SOX6: variants seen among roughly 807,000 people sequenced by gnomAD.
The protein encoded by SOX6 is transcription factor SOX-6.
SOX6 carries 11 observed loss-of-function variants against 97.8 expected under a neutral mutation model. The ratio of observed to expected loss-of-function variants is 0.11; its 90% CI spans 0.07 to 0.19. SOX6 has a LOEUF of 0.19. Among genes scored for constraint, SOX6 ranks in the 10% least tolerant of loss-of-function variants. SOX6 has a pLI of 1.00. For missense variants in SOX6, 810 were observed against 1,039.5 expected, an observed-to-expected ratio of 0.78 and a Z score of 3.04; for synonymous variants, 360 against 371.4, an observed-to-expected ratio of 0.97 and a Z score of 0.35.
intron 3 of SOX6, among the ~76,000 whole-genome samples, chr11:16,275,266 T>G (rs1218969133): frequency 6.9e-6 from 1 of 145,440 alleles, no homozygotes; most frequent in African/African-American, 2.5e-5. Context: ...ATGGTGAAAC[T>G]TCATCTCTAC....
rs75456410 is a variant in SOX6, at chr11:16,593,118, A to G, written n.609+18963T>C. Reference sequence around the variant, plus strand: ...TATAGATATTTCTATATCTGCCTATAAAGATTACCTCACCAATTTGAAAAA... The same window carrying G: ...TATAGATATTTCTATATCTGCCTATGAAGATTACCTCACCAATTTGAAAAA... On this transcript the variant is annotated intron_variant and non_coding_transcript_variant, in intron 4 of 5. Coordinates refer to the SOX6 transcript ENST00000524520. 7.5e-3 allele frequency among the ~76,000 whole-genome samples: 1,139 copies of G among 152,324 alleles called. 30 individuals are homozygous for G. Among genetic ancestry groups the G allele is most frequent in the East Asian group, 0.072 (372 of 5,192 alleles).
At chr11:16,373,889 G>GGAAGGAAGGAAGGGAGGGAGGA (rs1565119057) in intron 1 of SOX6, among the ~76,000 whole-genome samples, 1 of 14,214 alleles carries the variant, frequency 7.0e-5, no homozygotes, top group African/African-American at 2.2e-4. Context: ...GGAAGGAAGG[G>GGAAGGAAGGAAGGGAGGGAGGA]AGGGAGGGAG....
chr11:16,298,860 A>T (rs902904415), intron 3 of SOX6, among the ~76,000 whole-genome samples: 2 of 152,072 alleles, frequency 1.3e-5, no homozygotes, highest in African/African-American at 4.8e-5. Flanking sequence ...ACCAAGATGA[A>T]GATAGAGTTT....
intron 1 of SOX6, among the ~76,000 whole-genome samples, chr11:16,378,236 T>C (rs1857697179): frequency 6.6e-6 from 1 of 152,096 alleles, no homozygotes; most frequent in South Asian, 2.1e-4. Context: ...GTCCTTAAAG[T>C]AAAATACAAT....
chr11:16,199,683 A>G (rs1259300338), intron 4 of SOX6, among the ~76,000 whole-genome samples: 3 of 152,218 alleles, frequency 2.0e-5, no homozygotes, highest in African/African-American at 7.2e-5. Context: ...TATTTAGGAT[A>G]ATTACAATTT....
intron 4 of SOX6, among the ~76,000 whole-genome samples, chr11:16,233,300 T>C (rs1852915425): frequency 6.6e-6 from 1 of 152,142 alleles, no homozygotes; most frequent in East Asian, 1.9e-4. Context: ...ATGAATTTCA[T>C]TCATAATGCA....
intron 4 of SOX6, among the ~76,000 whole-genome samples, chr11:16,221,496 T>G (rs1272611612): frequency 6.6e-6 from 1 of 152,140 alleles, no homozygotes; most frequent in Non-Finnish European, 1.5e-5. Flanking sequence ...ACTTGTGCTT[T>G]TATTGGCATT....
chr11:16,427,899 C>T (rs950496201), intron 1 of SOX6, among the ~76,000 whole-genome samples: 25 of 152,204 alleles, frequency 1.6e-4, no homozygotes, highest in South Asian at 6.2e-4. Context: ...CCTGAGGAAT[C>T]GCCACACTGA....
At chr11:16,732,820 A>G (rs966320546) in intron 2 of SOX6, among the ~76,000 whole-genome samples, 2 of 152,204 alleles carry the variant, frequency 1.3e-5, no homozygotes, top group East Asian at 3.8e-4. Flanking sequence ...ATGGGAGAAA[A>G]ATTTTTGCAA....
At chr11:16,065,705 T>C (rs1650608369) in intron 9 of SOX6, among the ~76,000 whole-genome samples, 1 of 152,118 alleles carries the variant, frequency 6.6e-6, no homozygotes, top group African/African-American at 2.4e-5. Flanking sequence ...AGGATATTCA[T>C]ATGCAGAAGA....
At chr11:16,340,779 G>A (rs376303923) in intron 2 of SOX6, among the ~76,000 whole-genome samples, 4 of 151,946 alleles carry the variant, frequency 2.6e-5, no homozygotes, top group South Asian at 2.1e-4. Flanking sequence ...AAAATCAATC[G>A]ATAAAATATA....
chr11:15,979,225 T>G (rs1853592707), intron 15 of SOX6, among the ~76,000 whole-genome samples: 1 of 151,592 alleles, frequency 6.6e-6, no homozygotes, highest in African/African-American at 2.4e-5. Context: ...CAATCTATGG[T>G]AACTGTATTT....
intron 4 of SOX6, among the ~76,000 whole-genome samples, chr11:16,510,821 T>G (rs1427030779): frequency 6.6e-6 from 1 of 152,082 alleles, no homozygotes; most frequent in African/African-American, 2.4e-5. Flanking sequence ...GAGACATTTC[T>G]AGCATAGTAA....
In SOX6 at chr11:16,712,411, AT is replaced by A. The variant is rs200882011; in HGVS notation, n.429+2418del. Reference sequence around the variant, plus strand: ...GTTCGCCACATCCATGCCAACATCTATTTTTTTTTTATTTTTTAATTATGGC... The same window carrying A: ...GTTCGCCACATCCATGCCAACATCTATTTTTTTTTATTTTTTAATTATGGC... On this transcript the variant is annotated intron_variant and non_coding_transcript_variant, in intron 3 of 5. Coordinates refer to the SOX6 transcript ENST00000524520. 8.5e-3 allele frequency among the ~76,000 whole-genome samples: 1,261 copies of A among 149,128 alleles called. 17 individuals carry two copies. Among genetic ancestry groups the A allele is most frequent in the African/African-American group, 0.026 (1,061 of 40,626 alleles).
At chr11:16,617,833 C>A (rs1004349902) in intron 3 of SOX6, among the ~76,000 whole-genome samples, 9 of 151,862 alleles carry the variant, frequency 5.9e-5, no homozygotes, top group Non-Finnish European at 1.0e-4. Flanking sequence ...CCAACCACTT[C>A]TCTTAATATT....
intron 2 of SOX6, among the ~76,000 whole-genome samples, chr11:16,324,739 G>T (rs1006138981): frequency 6.6e-5 from 10 of 151,986 alleles, no homozygotes; most frequent in Non-Finnish European, 1.5e-4. Flanking sequence ...ATACACAATG[G>T]AATATTATTT....
intron 1 of SOX6, among the ~76,000 whole-genome samples, chr11:16,474,355 G>A (rs183738279): frequency 5.5e-4 from 84 of 152,082 alleles, no homozygotes; most frequent in African/African-American, 7.2e-4. Flanking sequence ...TTCAATTTAC[G>A]TTGCCCAGAT....
At chr11:16,349,703 AG>A (rs371381559) in intron 1 of SOX6, among the ~76,000 whole-genome samples, 3,563 of 69,950 alleles carry the variant, frequency 0.051, 61 homozygotes, top group Non-Finnish European at 0.064. Context: ...GAAGGAAGGA[AG>A]GAAGGAAGGA....
intron 4 of SOX6, among the ~76,000 whole-genome samples, chr11:16,550,942 G>A (rs567884416): frequency 6.6e-6 from 1 of 152,134 alleles, no homozygotes; most frequent in South Asian, 2.1e-4. Context: ...TTAAGGCCAG[G>A]CGCAGTGGCT....
Sources: allele counts gnomAD v4.1 joint callset (sites outside exome capture counted in the v4.1 genomes callset), GRCh38; gene constraint gnomAD v4.1.1; transcripts MANE v1.5; gene names NCBI Gene and HGNC (gene_info 2026-07-23, HGNC 2026-07-21).